COL14A1: variants seen among roughly 807,000 people sequenced by gnomAD.
COL14A1 encodes the protein collagen type XIV alpha 1 chain.
Under a neutral mutation model 230.3 loss-of-function variants are expected in COL14A1, and 136 were observed. The ratio of observed to expected loss-of-function variants is 0.59; its 90% CI spans 0.51 to 0.68. The LOEUF (loss-of-function observed/expected upper bound fraction) is 0.68. Among genes scored for constraint, COL14A1 ranks in the 30% least tolerant of loss-of-function variants. The pLI, the probability that COL14A1 is intolerant of heterozygous loss-of-function variation, is 0.00. For synonymous variants in COL14A1, 792 were observed against 784.1 expected, an observed-to-expected ratio of 1.01 and a Z score of -0.17; for missense variants, 1,976 against 2,215.8, an observed-to-expected ratio of 0.89 and a Z score of 2.17.
At chr8:120,131,133 G>T (rs575449583) in intron 1 of COL14A1, among the ~76,000 whole-genome samples, 3 of 152,254 alleles carry the variant, frequency 2.0e-5, no homozygotes, top group Admixed American at 1.3e-4. Flanking sequence ...TGAGCATCTA[G>T]GTTGATTTCA....
At chr8:120,129,757 A>G (rs1232615679) in intron 1 of COL14A1, among the ~76,000 whole-genome samples, 2 of 152,216 alleles carry the variant, frequency 1.3e-5, no homozygotes, top group African/African-American at 4.8e-5. Context: ...GCCAATTTCA[A>G]GTGTCATTGA....
At chr8:120,278,006 A>G in intron 26 of COL14A1, 105 bp from the exon 27 acceptor site, 1 of 1,045,314 alleles carries the variant, frequency 9.6e-7, no homozygotes, top group East Asian at 2.8e-5. Flanking sequence ...AGATTTTGTA[A>G]TGAGATAATG....
chr8:120,307,277 C>T (rs1820883403), intron 36 of COL14A1, among the ~76,000 whole-genome samples: 1 of 152,092 alleles, frequency 6.6e-6, no homozygotes, highest in Admixed American at 6.6e-5. Flanking sequence ...TAGTTTCTGA[C>T]ACACTGGGGG....
At chr8:120,321,869 G>T (rs1473057277) in intron 40 of COL14A1, among the ~76,000 whole-genome samples, 1 of 152,058 alleles carries the variant, frequency 6.6e-6, no homozygotes, top group African/African-American at 2.4e-5. Context: ...GATACAAAAG[G>T]TCTTAGGCAT....
chr8:120,205,339 G>A (rs955809159), intron 9 of COL14A1, among the ~76,000 whole-genome samples: 2 of 152,090 alleles, frequency 1.3e-5, no homozygotes, highest in African/African-American at 4.8e-5. Context: ...GAGCCCTGTA[G>A]TTCTGCACTC....
At chr8:120,287,070 A>AG (rs1820226177) in intron 33 of COL14A1, among the ~76,000 whole-genome samples, 2 of 152,150 alleles carry the variant, frequency 1.3e-5, no homozygotes, top group South Asian at 4.1e-4. Context: ...TTAAAGTGAG[A>AG]GAAGGGATGC....
chr8:120,151,887 C>T (rs1815296264), intron 2 of COL14A1, among the ~76,000 whole-genome samples: 1 of 151,968 alleles, frequency 6.6e-6, no homozygotes, highest in African/African-American at 2.4e-5. Flanking sequence ...CAGCCAGTGT[C>T]AGCGGCCAGG....
intron 1 of COL14A1, among the ~76,000 whole-genome samples, chr8:120,136,036 C>A (rs1256497188): frequency 6.6e-6 from 1 of 151,804 alleles, no homozygotes; most frequent in Non-Finnish European, 1.5e-5. Context: ...GGTAAACAAC[C>A]CTGTTGATTG....
At position 120,371,697 on chromosome 8, in the gene COL14A1, A is replaced by G. The variant is rs772867488; in HGVS notation, c.*466A>G. 5.9e-4 allele frequency: 234 copies of G among 398,340 alleles called. No homozygotes were observed. The highest frequency in any genetic ancestry group is 3.2e-4 in the Non-Finnish European group (72 of 225,734). 24.7% of individuals were successfully genotyped at this position (398,340 alleles called of 1,614,324 possible). A position where few individuals can be genotyped will look rare whatever the true frequency, so the allele number is the denominator to read the frequency against. ...CTTGCTGATAAGAAAAAAAGGGACA[A>G]TATTGGAGAAACTACCTCTTGTTTA... On this transcript the variant is annotated 3_prime_UTR_variant, in exon 48 of 48. Coordinates refer to ENST00000297848, the MANE Select transcript of COL14A1 (RefSeq NM_021110.4).
chr8:120,353,724 T>G (rs1440661121), intron 45 of COL14A1, among the ~76,000 whole-genome samples: 1 of 150,176 alleles, frequency 6.7e-6, no homozygotes, highest in Non-Finnish European at 1.5e-5. Flanking sequence ...TGGTAATCAT[T>G]AAAAAGTCAG....
At chr8:120,190,687 G>A (rs1190916179) in intron 5 of COL14A1, among the ~76,000 whole-genome samples, 3 of 152,132 alleles carry the variant, frequency 2.0e-5, no homozygotes, top group Non-Finnish European at 2.9e-5. Flanking sequence ...ACTCTTTTTG[G>A]TTGGTAAGCT....
chr8:120,267,011 A>G (rs1819520777), intron 25 of COL14A1, 128 bp downstream of exon 25: 1 of 761,220 alleles, frequency 1.3e-6, no homozygotes, highest in Non-Finnish European at 2.2e-6. Context: ...TCTCCTTAAT[A>G]CAAATGCTTA....
chr8:120,199,255 A>G (rs1817146473), intron 7 of COL14A1, 147 bp from the exon 8 acceptor site: 1 of 663,072 alleles, frequency 1.5e-6, no homozygotes, highest in Non-Finnish European at 2.3e-6. Flanking sequence ...GAATCTGTGA[A>G]AGACAACGTT....
intron 40 of COL14A1, among the ~76,000 whole-genome samples, chr8:120,329,557 T>A (rs1821798718): frequency 6.6e-6 from 1 of 152,040 alleles, no homozygotes; most frequent in Non-Finnish European, 1.5e-5. Flanking sequence ...AGGTGAGTCA[T>A]GATTGTGCCA....
intron 5 of COL14A1, among the ~76,000 whole-genome samples, chr8:120,179,812 A>G (rs1470840274): frequency 1.3e-5 from 2 of 152,230 alleles, no homozygotes; most frequent in Non-Finnish European, 2.9e-5. Context: ...CTACAAGTCT[A>G]CATTAACCAA....
At chr8:120,209,103 G>A (rs1490087454) in intron 11 of COL14A1, among the ~76,000 whole-genome samples, 2 of 152,118 alleles carry the variant, frequency 1.3e-5, no homozygotes, top group Admixed American at 1.3e-4. Context: ...CAATCTGTCG[G>A]ATGAGTGTTA....
intron 12 of COL14A1, among the ~76,000 whole-genome samples, chr8:120,211,008 G>C (rs914618773): frequency 3.3e-5 from 5 of 152,124 alleles, no homozygotes; most frequent in African/African-American, 4.8e-5. Flanking sequence ...CAATAGATTA[G>C]CAAAAAAATT....
intron 4 of COL14A1, among the ~76,000 whole-genome samples, chr8:120,165,630 C>T (rs1269212381): frequency 2.6e-5 from 4 of 152,140 alleles, no homozygotes. Context: ...ATGAGGAAGA[C>T]ATATATATCT....
At chr8:120,191,433 T>A (rs1169750248) in intron 5 of COL14A1, among the ~76,000 whole-genome samples, 6 of 151,860 alleles carry the variant, frequency 4.0e-5, no homozygotes, top group Non-Finnish European at 5.9e-5. Flanking sequence ...TTTCTGTTCT[T>A]TTACATTTGC....
Sources: gnomAD v4.1 joint callset for allele counts (sites outside exome capture counted in the v4.1 genomes callset) on GRCh38, gnomAD v4.1.1 for gene constraint, MANE v1.5 for transcripts, NCBI Gene and HGNC (gene_info 2026-07-23, HGNC 2026-07-21) for gene names.